RASEF: variants seen among roughly 807,000 people sequenced by gnomAD.
RASEF encodes the protein RAS and EF-hand domain containing.
Under a neutral mutation model 90.1 loss-of-function variants are expected in RASEF, and 68 were observed. That is an observed-to-expected ratio of 0.75 (90% confidence interval 0.62 to 0.92). The LOEUF is 0.92. RASEF is among the 40% of genes least tolerant of loss of function. RASEF has a pLI of 0.00. For missense variants in RASEF, 949 were observed against 937.2 expected (o/e 1.01, Z -0.16); for synonymous variants, 331 against 345.2 (o/e 0.96, Z 0.46).
chr9:83,086,333 T>A, the RASEF span, among the ~76,000 whole-genome samples: 22 of 152,206 alleles, frequency 1.4e-4, no homozygotes, highest in South Asian at 4.6e-3. Flanking sequence ...AAAATAAATA[T>A]CCATAAAGGG....
At chr9:83,194,597 G>A in the RASEF span, among the ~76,000 whole-genome samples, 1 of 152,160 alleles carries the variant, frequency 6.6e-6, no homozygotes, top group Non-Finnish European at 1.5e-5. Context: ...AAATCAGAAA[G>A]AAGGACTAAG....
chr9:83,179,939 C>A, the RASEF span, among the ~76,000 whole-genome samples: 1 of 152,080 alleles, frequency 6.6e-6, no homozygotes, highest in Admixed American at 6.6e-5. Flanking sequence ...CCAGGGCAAA[C>A]CAACACGTAA....
intron 1 of RASEF, among the ~76,000 whole-genome samples, chr9:83,033,741 A>G (rs1485134524): frequency 6.6e-6 from 1 of 152,234 alleles, no homozygotes; most frequent in Non-Finnish European, 1.5e-5. Context: ...GACCATTATC[A>G]TTTAATCCAG....
At chr9:83,042,252 G>C (rs1216906128) in intron 1 of RASEF, among the ~76,000 whole-genome samples, 1 of 152,118 alleles carries the variant, frequency 6.6e-6, no homozygotes, top group Admixed American at 6.5e-5. Context: ...ATAGAAAGTT[G>C]TCATAAAGTT....
chr9:83,065,078 A>G (rs1830270584), upstream of RASEF, among the ~76,000 whole-genome samples: 2 of 152,182 alleles, frequency 1.3e-5, no homozygotes, highest in Admixed American at 1.3e-4. Context: ...AAAACAAAAA[A>G]CACAAAACAA....
chr9:83,154,345 C>T, the RASEF span, among the ~76,000 whole-genome samples: 24 of 152,290 alleles, frequency 1.6e-4, no homozygotes, highest in South Asian at 4.1e-4. Context: ...TCTATTTGAC[C>T]GTAAGGTCTC....
the RASEF span, among the ~76,000 whole-genome samples, chr9:83,108,670 CCTT>C: frequency 6.6e-6 from 1 of 152,184 alleles, no homozygotes; most frequent in African/African-American, 2.4e-5. Flanking sequence ...CAACTTAAGA[CCTT>C]CTGTTCACAG....
At chr9:83,177,169 A>G in the RASEF span, among the ~76,000 whole-genome samples, 6 of 151,996 alleles carry the variant, frequency 3.9e-5, no homozygotes, top group Non-Finnish European at 8.8e-5. Flanking sequence ...GTGCATTCCC[A>G]TTGTCTTTTA....
At chr9:83,087,447 C>A in the RASEF span, among the ~76,000 whole-genome samples, 1 of 149,836 alleles carries the variant, frequency 6.7e-6, no homozygotes, top group Non-Finnish European at 1.5e-5. Flanking sequence ...CTCTGTCTCT[C>A]CCCTACTGCC....
At chr9:83,037,480 G>A (rs1381612426) in intron 1 of RASEF, among the ~76,000 whole-genome samples, 1 of 152,014 alleles carries the variant, frequency 6.6e-6, no homozygotes, top group African/African-American at 2.4e-5. Flanking sequence ...AAGCATTGTA[G>A]TAAAAATTAT....
chr9:82,979,917 A>T lies in RASEF; in HGVS notation c.*2760T>A, dbSNP rs992659003. ...AATCTTTATCTTTAACCTCAATTTT[A>T]TCTTCAGCAGGAGGGTTGTGCAACT... On this transcript the variant is annotated 3_prime_UTR_variant, in exon 17 of 17. Coordinates refer to ENST00000376447, the MANE Select transcript of RASEF (RefSeq NM_152573.4). 1 of 152,210 alleles carries T rather than the reference A, an allele frequency of 6.6e-6. No homozygotes were observed. The highest frequency in any genetic ancestry group is 1.5e-5 in the Non-Finnish European group (1 of 68,036). The allele number at this position is 152,210 out of a possible 1,614,324, so 9.4% of individuals were successfully genotyped here.
chr9:83,025,501 A>G (rs1316692866), intron 2 of RASEF, among the ~76,000 whole-genome samples: 1 of 152,218 alleles, frequency 6.6e-6, no homozygotes, highest in African/African-American at 2.4e-5. Context: ...GTGTGTTTTA[A>G]GCAGCTGGAT....
At chr9:83,142,463 C>A in the RASEF span, among the ~76,000 whole-genome samples, 1 of 152,138 alleles carries the variant, frequency 6.6e-6, no homozygotes, top group African/African-American at 2.4e-5. Flanking sequence ...ATATTTTTCC[C>A]ATAATACTTC....
chr9:83,029,900 G>C (rs1421166259), intron 1 of RASEF, among the ~76,000 whole-genome samples: 1 of 152,172 alleles, frequency 6.6e-6, no homozygotes, highest in Non-Finnish European at 1.5e-5. Flanking sequence ...GCAATAGTAA[G>C]CCATATTTAT....
the RASEF span, among the ~76,000 whole-genome samples, chr9:83,194,888 T>C: frequency 3.3e-5 from 5 of 152,368 alleles, no homozygotes; most frequent in East Asian, 9.6e-4. Context: ...CAATTACTTA[T>C]TTTCTGATAC....
chr9:83,185,528 T>C, the RASEF span, among the ~76,000 whole-genome samples: 1 of 152,186 alleles, frequency 6.6e-6, no homozygotes, highest in South Asian at 2.1e-4. Context: ...AAAGTCACTT[T>C]GAAGCACGAT....
chr9:83,173,855 C>T, the RASEF span, among the ~76,000 whole-genome samples: 1 of 151,838 alleles, frequency 6.6e-6, no homozygotes, highest in Admixed American at 6.6e-5. Flanking sequence ...TCTTCACAGC[C>T]TAGCCTTGTT....
At chr9:83,054,907 G>C (rs1185910825) in intron 1 of RASEF, 1 of 151,124 alleles carries the variant, frequency 6.6e-6, no homozygotes, top group Non-Finnish European at 1.5e-5. Context: ...CCCGTTCTCA[G>C]ATCTCCATCT....
Position 83,000,578 on chromosome 9 carries a change from T to C in RASEF, c.1438-8A>G. Reference sequence around the variant, plus strand: ...ATCCCTTATGTCAGGAACCTATTTTTTTTAAAATGTCAGCAGTTAAATTAA... The same window carrying C: ...ATCCCTTATGTCAGGAACCTATTTTCTTTAAAATGTCAGCAGTTAAATTAA... On this transcript the variant is annotated splice_region_variant and splice_polypyrimidine_tract_variant and intron_variant, in intron 10 of 16. Coordinates refer to ENST00000376447, the MANE Select transcript of RASEF (RefSeq NM_152573.4). 1 of 1,581,696 alleles carries C rather than the reference T, an allele frequency of 6.3e-7. No individual in the cohort carries two copies. The highest frequency in any genetic ancestry group is 8.6e-7 in the Non-Finnish European group (1 of 1,167,364).
Sources: gnomAD v4.1 joint callset for allele counts (sites outside exome capture counted in the v4.1 genomes callset) on GRCh38, gnomAD v4.1.1 for gene constraint, MANE v1.5 for transcripts, NCBI Gene and HGNC (gene_info 2026-07-23, HGNC 2026-07-21) for gene names.